Variants in PRKAR2B observed in about 807,000 individuals in gnomAD.
The protein encoded by PRKAR2B is protein kinase cAMP-dependent type II regulatory subunit beta.
A neutral mutation model predicts 49.9 loss-of-function variants in PRKAR2B; 14 were observed. The observed-to-expected ratio is 0.28, with a 90% CI of 0.19 to 0.44. The LOEUF is 0.44. Ranked by LOEUF, PRKAR2B falls within the 20% of genes least tolerant of loss-of-function variation. The pLI, the probability that PRKAR2B is intolerant of heterozygous loss-of-function variation, is 1.00. For synonymous variants in PRKAR2B, 196 were observed against 197.7 expected (o/e 0.99, Z 0.07); for missense variants, 393 against 537.9 (o/e 0.73, Z 2.67).
Position 107,090,467 on chromosome 7 carries a change from A to T in PRKAR2B, c.343+20151A>T, listed in dbSNP as rs144399935. Among the ~76,000 whole-genome samples the T allele has an allele frequency of 2.6e-4, 39 of 152,306 alleles. No homozygotes were observed. The East Asian group carries it at 7.3e-3, about 29-fold the overall frequency. The stretch of plus-strand genomic sequence containing the variant: ...TTGCCCCTATGGGGTCTGCTATGGC[A>T]CAGGGCTCAGAAACCCTGACCTCAC... On this transcript the variant is annotated intron_variant, in intron 2 of 10. Transcript: ENST00000265717.
intron 2 of PRKAR2B, among the ~76,000 whole-genome samples, chr7:107,074,569 T>C (rs564196685): frequency 1.1e-4 from 16 of 151,738 alleles, no homozygotes; most frequent in Non-Finnish European, 2.2e-4. Flanking sequence ...GAGGCTGAGG[T>C]GAGCGGATTA....
At chr7:107,099,381 G>A (rs1313328925) in intron 2 of PRKAR2B, among the ~76,000 whole-genome samples, 1 of 152,170 alleles carries the variant, frequency 6.6e-6, no homozygotes, top group East Asian at 1.9e-4. Flanking sequence ...CAGTATTAGG[G>A]TGGGAGTGTC....
intron 4 of PRKAR2B, among the ~76,000 whole-genome samples, chr7:107,139,668 C>T (rs1355703261): frequency 1.3e-5 from 2 of 152,308 alleles, no homozygotes; most frequent in East Asian, 3.9e-4. Flanking sequence ...TGTTACTTAC[C>T]TTCGCCCTGA....
At chr7:107,094,760 A>G (rs550495123) in intron 2 of PRKAR2B, among the ~76,000 whole-genome samples, 2 of 152,354 alleles carry the variant, frequency 1.3e-5, no homozygotes, top group East Asian at 3.9e-4. Context: ...TTTATTAAAT[A>G]GGGAATCCTT....
At chr7:107,088,969 G>A (rs1794672015) in intron 2 of PRKAR2B, among the ~76,000 whole-genome samples, 1 of 151,770 alleles carries the variant, frequency 6.6e-6, no homozygotes, top group South Asian at 2.1e-4. Flanking sequence ...AGGAGTGCGA[G>A]ACTAGCCTGG....
chr7:107,044,955 C>T lies in PRKAR2B; in HGVS notation c.48C>T (p.Phe16=), dbSNP rs778931915. The T allele has an allele frequency of 6.3e-7, 1 of 1,596,996 alleles. No homozygotes were observed. Among genetic ancestry groups the T allele is most frequent in the Non-Finnish European group, 8.5e-7 (1 of 1,174,126 alleles). Residue 16 remains phenylalanine, a synonymous_variant, in exon 1 of 11, where the codon TTC becomes TTT. Coordinates refer to ENST00000265717, the MANE Select transcript of PRKAR2B (RefSeq NM_002736.3). ...GACTGACGGAGCTGCTGCAGGGCTT[C>T]ACGGTGGAGGTGCTGAGGCACCAGC... ...PAGLTELLQG[F]TVEVLRHQPA... is the part of the protein sequence containing the mutation.
intron 2 of PRKAR2B, among the ~76,000 whole-genome samples, chr7:107,084,226 T>G (rs1010643631): frequency 3.3e-5 from 5 of 151,780 alleles, no homozygotes; most frequent in Non-Finnish European, 7.4e-5. Flanking sequence ...TGGTAACAAG[T>G]TTTTTACATT....
intron 2 of PRKAR2B, among the ~76,000 whole-genome samples, 153 bp downstream of exon 2, chr7:107,070,469 C>T (rs902818780): frequency 3.3e-5 from 5 of 152,148 alleles, no homozygotes; most frequent in African/African-American, 9.7e-5. Context: ...GATATAATCA[C>T]TATCTAGGAA....
At chr7:107,068,273 G>C (rs777425458) in intron 1 of PRKAR2B, among the ~76,000 whole-genome samples, 2 of 152,128 alleles carry the variant, frequency 1.3e-5, no homozygotes, top group African/African-American at 2.4e-5. Flanking sequence ...GAGGCTGGAG[G>C]GGGCAGGGGG....
rs553124668 is a variant in PRKAR2B, at chr7:107,142,845, C to T, written c.587+1892C>T. Among the ~76,000 whole-genome samples the T allele has an allele frequency of 5.5e-4, 83 of 152,234 alleles. 3 individuals carry two copies. In the South Asian group the frequency reaches 0.017, roughly 30 times the overall value. On this transcript the variant is annotated intron_variant, in intron 5 of 10. Coordinates refer to ENST00000265717, the MANE Select transcript of PRKAR2B (RefSeq NM_002736.3). ...TGGTGCGATCTCGACCCACTGCAAC[C>T]TCTGCCTCCCAGTTTCAAGCGATTC... is the stretch of plus-strand genomic sequence containing the variant.
intron 5 of PRKAR2B, among the ~76,000 whole-genome samples, chr7:107,145,741 T>C (rs967826771): frequency 1.3e-5 from 2 of 148,294 alleles, no homozygotes; most frequent in Admixed American, 1.3e-4. Context: ...TGATTTTTTT[T>C]TTTTTTTTTT....
rs1796202678 is a variant in PRKAR2B, at chr7:107,161,759, GCTAA to G, written c.*2181_*2184del. ...CATTTAGAATAACCAAATCAATCTGGCTAACTAGGAATTTATGTGTAAAATTATC... is the reference window on the plus strand; with the variant it reads ...CATTTAGAATAACCAAATCAATCTGGCTAGGAATTTATGTGTAAAATTATC... On this transcript the variant is annotated 3_prime_UTR_variant, in exon 11 of 11. Coordinates refer to ENST00000265717, the MANE Select transcript of PRKAR2B (RefSeq NM_002736.3). 1 of 152,112 alleles carries G rather than the reference GCTAA, an allele frequency of 6.6e-6. No homozygotes were observed. Among genetic ancestry groups the G allele is most frequent in the South Asian group, 2.1e-4 (1 of 4,826 alleles). 9.4% of individuals were successfully genotyped at this position (152,112 alleles called of 1,614,324 possible).
intron 5 of PRKAR2B, among the ~76,000 whole-genome samples, 161 bp from the exon 6 acceptor site, chr7:107,146,147 G>C (rs1268792680): frequency 6.6e-6 from 1 of 152,128 alleles, no homozygotes; most frequent in Admixed American, 6.5e-5. Context: ...GCAGGCACAT[G>C]GTCTGGAACA....
chr7:107,107,331 C>T (rs1049066250), intron 2 of PRKAR2B, among the ~76,000 whole-genome samples: 5 of 150,158 alleles, frequency 3.3e-5, no homozygotes, highest in Non-Finnish European at 7.4e-5. Context: ...AGTGAGACTC[C>T]ATCTCAAAAA....
chr7:107,080,516 G>A (rs1794494567), intron 2 of PRKAR2B, among the ~76,000 whole-genome samples: 1 of 152,174 alleles, frequency 6.6e-6, no homozygotes, highest in Admixed American at 6.5e-5. Context: ...AGTACTTGCA[G>A]TCTAGGGAAG....
rs186890978 is a variant in PRKAR2B, at chr7:107,159,837, G to T, written c.*255G>T. 4.2e-5 allele frequency: 15 copies of T among 356,862 alleles called. No homozygotes were observed. In the Admixed American group the frequency reaches 6.0e-4, roughly 14 times the overall value. 22.1% of individuals were successfully genotyped at this position (356,862 alleles called of 1,614,324 possible). A position where few individuals can be genotyped will look rare whatever the true frequency, so the allele number is the denominator to read the frequency against. On this transcript the variant is annotated 3_prime_UTR_variant, in exon 11 of 11. Transcript: ENST00000265717. ...TACTCCACAAAATTATGACTGAAAGGTTTATTAAAATGATTGTAATATATA... is the reference window on the plus strand; with the variant it reads ...TACTCCACAAAATTATGACTGAAAGTTTTATTAAAATGATTGTAATATATA...
chr7:107,152,965 TG>T (rs1211442766), intron 7 of PRKAR2B, among the ~76,000 whole-genome samples: 1 of 152,244 alleles, frequency 6.6e-6, no homozygotes, highest in Admixed American at 6.5e-5. Flanking sequence ...ATATGGGCTA[TG>T]TGATGCTGAT....
At chr7:107,142,805 C>T (rs762947852) in intron 5 of PRKAR2B, among the ~76,000 whole-genome samples, 5 of 151,988 alleles carry the variant, frequency 3.3e-5, no homozygotes, top group African/African-American at 7.3e-5. Flanking sequence ...CTCTGTTGCC[C>T]AGGCTGGAGT....
chr7:107,100,751 C>A (rs890973882), intron 2 of PRKAR2B, among the ~76,000 whole-genome samples: 5 of 151,390 alleles, frequency 3.3e-5, no homozygotes, highest in African/African-American at 1.2e-4. Flanking sequence ...TTTCTTTTGC[C>A]ACTTCAAATC....
Sources: gnomAD v4.1 joint callset for allele counts (sites outside exome capture counted in the v4.1 genomes callset) on GRCh38, gnomAD v4.1.1 for gene constraint, MANE v1.5 for transcripts, NCBI Gene and HGNC (gene_info 2026-07-23, HGNC 2026-07-21) for gene names.